LTBP1: variants seen among roughly 807,000 people sequenced by gnomAD.
LTBP1 encodes latent transforming growth factor beta binding protein 1.
A neutral mutation model predicts 207.6 loss-of-function variants in LTBP1; 129 were observed. The observed-to-expected ratio is 0.62, with a 90% CI of 0.54 to 0.72. The LOEUF (loss-of-function observed/expected upper bound fraction) is 0.72. Ranked by LOEUF, LTBP1 falls within the 30% of genes least tolerant of loss-of-function variation. The probability of loss-of-function intolerance (pLI) is 0.00; values close to 1 mark genes in which losing one functional copy is unlikely to be tolerated. For missense variants in LTBP1, 2,281 were observed against 2,217.2 expected (o/e 1.03, Z -0.58); for synonymous variants, 963 against 833.7 (o/e 1.16, Z -2.67).
chr2:33,308,302 G>T (rs1180921073), intron 22 of LTBP1, among the ~76,000 whole-genome samples: 1 of 152,110 alleles, frequency 6.6e-6, no homozygotes, highest in Non-Finnish European at 1.5e-5. Flanking sequence ...CTCGTTATTG[G>T]TTATGTATAC....
At chr2:32,980,892 G>A (rs150742425) in intron 2 of LTBP1, among the ~76,000 whole-genome samples, 2 of 152,276 alleles carry the variant, frequency 1.3e-5, no homozygotes, top group African/African-American at 4.8e-5. Context: ...CTTTAAATAT[G>A]TCCATGACAC....
At chr2:33,351,203 C>T (rs2094777037) in intron 26 of LTBP1, among the ~76,000 whole-genome samples, 1 of 152,204 alleles carries the variant, frequency 6.6e-6, no homozygotes, top group Non-Finnish European at 1.5e-5. Context: ...TCCTAGACTT[C>T]TGCATTTAGA....
rs139492649 is a variant in LTBP1, at chr2:33,311,839, T to G, written c.3604+2283T>G. 6.0e-4 allele frequency among the ~76,000 whole-genome samples: 91 copies of G among 152,312 alleles called. 1 individual carries two copies. In the East Asian group the frequency reaches 0.015, roughly 25 times the overall value. On this transcript the variant is annotated intron_variant, in intron 23 of 33. Transcript: ENST00000404816. ...CTCAAATATGTGACTACTCCAAACA[T>G]AGAGAGTTTTATTGACTATCAATCA...
intron 2 of LTBP1, among the ~76,000 whole-genome samples, chr2:32,963,662 C>G (rs1315060485): frequency 5.3e-5 from 8 of 152,152 alleles, no homozygotes; most frequent in Non-Finnish European, 1.2e-4. Context: ...GATGCCTAAA[C>G]CACACTTCTT....
At position 33,364,253 on chromosome 2, in the gene LTBP1, T is replaced by C. The variant is rs1390803442; in HGVS notation, c.4437T>C (p.Asp1479=). 2 of 1,614,068 alleles carry C rather than the reference T, an allele frequency of 1.2e-6. No homozygotes were observed. The highest frequency in any genetic ancestry group is 1.7e-6 in the Non-Finnish European group (2 of 1,179,928). ...DECQDPSSCI[D]GQCVNTEGSY... is the part of the protein sequence containing the mutation. Reference sequence around the variant, plus strand: ...GTCAAGACCCCAGTAGTTGTATTGATGGCCAGTGTGTTAATACAGAGGGCT... The same window carrying C: ...GTCAAGACCCCAGTAGTTGTATTGACGGCCAGTGTGTTAATACAGAGGGCT... The change falls in exon 30 of 34, where the codon GAT becomes GAC. Residue 1479 remains aspartate (D), a synonymous_variant. Transcript: ENST00000404816.
chr2:33,129,219 T>C (rs2150509173), intron 4 of LTBP1, among the ~76,000 whole-genome samples: 1 of 152,314 alleles, frequency 6.6e-6, no homozygotes, highest in African/African-American at 2.4e-5. Context: ...TGTAAAATAT[T>C]TTTCTTTAAC....
intron 19 of LTBP1, among the ~76,000 whole-genome samples, chr2:33,287,096 AAAC>A (rs60436290): frequency 0.032 from 4,826 of 151,482 alleles, 96 homozygotes; most frequent in South Asian, 0.069. Flanking sequence ...AATAAAATAA[AAAC>A]AACAACAACA....
At chr2:33,033,710 C>T (rs922842956) in intron 3 of LTBP1, among the ~76,000 whole-genome samples, 14 of 151,654 alleles carry the variant, frequency 9.2e-5, no homozygotes, top group African/African-American at 3.4e-4. Context: ...TATGGAGACG[C>T]TGCCTCTAGT....
intron 4 of LTBP1, among the ~76,000 whole-genome samples, chr2:33,121,810 T>G (rs545409796): frequency 5.2e-4 from 79 of 152,172 alleles, no homozygotes; most frequent in Middle Eastern, 6.8e-3. Context: ...AGAGTTTTTT[T>G]TTGTTGTTGT....
intron 3 of LTBP1, among the ~76,000 whole-genome samples, chr2:33,087,154 T>C (rs1341883759): frequency 7.1e-6 from 1 of 139,992 alleles, no homozygotes; most frequent in Admixed American, 8.2e-5. Flanking sequence ...TGCAGTGGCA[T>C]GATCATGGCT....
chr2:33,144,593 A>G lies in LTBP1; in HGVS notation c.1201+9633A>G, dbSNP rs1165958002. Among the ~76,000 whole-genome samples the G allele has an allele frequency of 2.0e-5, 3 of 152,188 alleles. No individual in the cohort carries two copies. In the East Asian group the frequency reaches 5.8e-4, roughly 29 times the overall value. On this transcript the variant is annotated intron_variant, in intron 5 of 33. Transcript: ENST00000404816. ...ATGTATGATTATAACATTTGATCCT[A>G]CTTTGTGCTATTCAGTTTGCTGTTG...
At chr2:33,378,181 A>ATGTGTGTGTGTGTGTG (rs1191265116) in intron 31 of LTBP1, among the ~76,000 whole-genome samples, 1 of 115,924 alleles carries the variant, frequency 8.6e-6, no homozygotes, top group Non-Finnish European at 1.8e-5. Flanking sequence ...TCATATATAT[A>ATGTGTGTGTGTGTGTG]TATATGTGTG....
chr2:33,255,889 G>C (rs1482995955), intron 11 of LTBP1, among the ~76,000 whole-genome samples: 1 of 152,072 alleles, frequency 6.6e-6, no homozygotes, highest in Non-Finnish European at 1.5e-5. Context: ...AAATAAAAAA[G>C]TTAACCATAA....
At chr2:33,130,262 G>A (rs1390199891) in intron 4 of LTBP1, among the ~76,000 whole-genome samples, 3 of 152,090 alleles carry the variant, frequency 2.0e-5, no homozygotes, top group Non-Finnish European at 4.4e-5. Flanking sequence ...TCTTTAAACC[G>A]GGTGGTGGCT....
intron 22 of LTBP1, among the ~76,000 whole-genome samples, chr2:33,303,501 C>T (rs922310563): frequency 6.6e-6 from 1 of 151,966 alleles, no homozygotes; most frequent in African/African-American, 2.4e-5. Flanking sequence ...AAGCACCTGC[C>T]ACCATGCCCG....
At chr2:33,057,744 C>T (rs1237010275) in intron 3 of LTBP1, among the ~76,000 whole-genome samples, 1 of 152,240 alleles carries the variant, frequency 6.6e-6, no homozygotes, top group Admixed American at 6.5e-5. Context: ...CAAGCCCACG[C>T]TCACCGGGAA....
chr2:33,055,101 C>T lies in LTBP1; in HGVS notation c.863+33895C>T, dbSNP rs562005273. Among the ~76,000 whole-genome samples, 58 of 152,278 alleles carry T rather than the reference C, an allele frequency of 3.8e-4. 1 individual carries two copies. The South Asian group carries it at 6.0e-3, about 16-fold the overall frequency. On this transcript the variant is annotated intron_variant, in intron 3 of 33. Coordinates refer to ENST00000404816, the MANE Select transcript of LTBP1 (RefSeq NM_206943.4). ...TAAGGCTGCAGCCTTTCTCTGATCT[C>T]GCTTTTCCTTTTGGGCCTGTTCCTC...
At chr2:33,338,429 AC>A (rs1338951687) in intron 24 of LTBP1, among the ~76,000 whole-genome samples, 1 of 152,228 alleles carries the variant, frequency 6.6e-6, no homozygotes, top group Non-Finnish European at 1.5e-5. Context: ...CTGAAAAGCC[AC>A]CAGGTTTCTA....
chr2:33,387,469 G>A (rs1314541791), intron 31 of LTBP1, among the ~76,000 whole-genome samples: 1 of 152,192 alleles, frequency 6.6e-6, no homozygotes, highest in African/African-American at 2.4e-5. Context: ...ATGCAAAAGT[G>A]CTGGGACGCC....
Sources: allele counts gnomAD v4.1 joint callset (sites outside exome capture counted in the v4.1 genomes callset), GRCh38; gene constraint gnomAD v4.1.1; transcripts MANE v1.5; gene names NCBI Gene and HGNC (gene_info 2026-07-23, HGNC 2026-07-21).